DPY19L3: variants seen among roughly 807,000 people sequenced by gnomAD.
The protein encoded by DPY19L3 is dpy-19 like C-mannosyltransferase 3.
Under a neutral mutation model 92.3 loss-of-function variants are expected in DPY19L3, and 51 were observed. The ratio of observed to expected loss-of-function variants is 0.55; its 90% confidence interval spans 0.44 to 0.70. The LOEUF (loss-of-function observed/expected upper bound fraction) is 0.70, where lower values mean the gene tolerates loss of function less well. DPY19L3 is among the 30% of genes least tolerant of loss of function. DPY19L3 has a pLI of 0.00. For synonymous variants in DPY19L3, 309 were observed against 315.2 expected, an observed-to-expected ratio of 0.98 and a Z score of 0.21; for missense variants, 706 against 855.9, an observed-to-expected ratio of 0.82 and a Z score of 2.18.
chr19:32,473,892 C>G lies in DPY19L3; in HGVS notation c.1698-3630C>G, dbSNP rs988303276. 2.6e-5 allele frequency among the ~76,000 whole-genome samples: 4 copies of G among 152,164 alleles called. No homozygotes were observed. In the South Asian group the frequency reaches 6.2e-4, roughly 24 times the overall value. ...GATCTCGGCTCACTGCAACCTTCAC[C>G]TCGTGGGTTCAAGCGATTCTCCTGC... On this transcript the variant is annotated intron_variant, in intron 16 of 18. Transcript: ENST00000392250.
At chr19:32,418,798 A>G (rs1044835823) in intron 3 of DPY19L3, among the ~76,000 whole-genome samples, 2 of 152,192 alleles carry the variant, frequency 1.3e-5, no homozygotes, top group African/African-American at 2.4e-5. Context: ...AGTTGTAATT[A>G]TTCAGAGAGT....
intron 8 of DPY19L3, among the ~76,000 whole-genome samples, chr19:32,452,238 C>A (rs554494072): frequency 1.3e-5 from 2 of 152,336 alleles, no homozygotes; most frequent in Admixed American, 1.3e-4. Context: ...GGTCACATAG[C>A]TGGTTTGCAC....
In DPY19L3 at chr19:32,483,624, A is replaced by G. The variant is rs1345727674; in HGVS notation, c.*1384A>G. The G allele has an allele frequency of 2.0e-5, 3 of 152,340 alleles. No homozygotes were observed. Among genetic ancestry groups the G allele is most frequent in the African/African-American group, 7.2e-5 (3 of 41,460 alleles). 9.4% of individuals were successfully genotyped at this position (152,340 alleles called of 1,614,324 possible). On this transcript the variant is annotated 3_prime_UTR_variant, in exon 19 of 19. Coordinates refer to ENST00000392250, the MANE Select transcript of DPY19L3 (RefSeq NM_001172774.2). ...TTTTATATTCAGTTGCTACTTATAA[A>G]GCAGCATTCAAAAAGTCTTTTACAC...
intron 17 of DPY19L3, chr19:32,479,663 C>G (rs779624902): frequency 5.1e-6 from 2 of 395,026 alleles, no homozygotes; most frequent in African/African-American, 4.2e-5. Flanking sequence ...TTCATGAACC[C>G]CCACATTCAA....
chr19:32,466,815 C>G (rs1206690919), intron 15 of DPY19L3, among the ~76,000 whole-genome samples: 1 of 152,178 alleles, frequency 6.6e-6, no homozygotes, highest in Non-Finnish European at 1.5e-5. Flanking sequence ...TAAAATAGTT[C>G]AGATATTTCA....
At chr19:32,461,793 G>A (rs1320553912) in intron 12 of DPY19L3, among the ~76,000 whole-genome samples, 1 of 152,178 alleles carries the variant, frequency 6.6e-6, no homozygotes, top group South Asian at 2.1e-4. Context: ...TTAACTAGTA[G>A]CCTTTACTGT....
At chr19:32,479,901 G>T (rs980415279) in intron 17 of DPY19L3, among the ~76,000 whole-genome samples, 3 of 152,188 alleles carry the variant, frequency 2.0e-5, no homozygotes, top group Non-Finnish European at 4.4e-5. Flanking sequence ...AGCCAATGCT[G>T]CCCCAGCCTA....
intron 3 of DPY19L3, among the ~76,000 whole-genome samples, chr19:32,424,201 C>T (rs1048706067): frequency 1.3e-5 from 2 of 151,516 alleles, no homozygotes; most frequent in African/African-American, 2.4e-5. Context: ...GCACCTGCAG[C>T]CCCAGTTACT....
chr19:32,463,893 CAT>C lies in DPY19L3; in HGVS notation c.1471_1472del (p.Met491ValfsTer10), dbSNP rs756869242. ...MRMKYLWTSH[M>X]CVFASFGLCS... The stretch of plus-strand genomic sequence containing the variant: ...GAATGAAGTACCTCTGGACGTCACA[CAT>C]GTGTGTGTTCGCATCATTCGGCCTA... On this transcript the variant is annotated frameshift_variant, in exon 14 of 19. Transcript: ENST00000392250. LOFTEE classifies it high-confidence loss of function. 9.2e-5 allele frequency: 149 copies of C among 1,613,582 alleles called. No individual in the cohort carries two copies. Among genetic ancestry groups the C allele is most frequent in the Admixed American group, 2.3e-4 (14 of 59,986 alleles).
At chr19:32,432,632 C>A in intron 3 of DPY19L3, 84 bp from the exon 4 acceptor site, 2 of 1,127,332 alleles carry the variant, frequency 1.8e-6, no homozygotes, top group Non-Finnish European at 2.6e-6. Flanking sequence ...TTTCAAGTTG[C>A]AGTTATGTAT....
rs1364895795 is a variant in DPY19L3, at chr19:32,482,729, A to C, written c.*489A>C. 6.5e-6 allele frequency: 1 copy of C among 152,908 alleles called. No homozygotes were observed. 9.5% of individuals were successfully genotyped at this position (152,908 alleles called of 1,614,324 possible). A position where few individuals can be genotyped will look rare whatever the true frequency, so the allele number is the denominator to read the frequency against. On this transcript the variant is annotated 3_prime_UTR_variant, in exon 19 of 19. Transcript: ENST00000392250. ...ACTTTAGTGTCCTGTTTTACCTTAA[A>C]ATGTTATAATATTTTCCAGTTGTCA...
At position 32,458,507 on chromosome 19, in the gene DPY19L3, C is replaced by T. The variant is rs774657550; in HGVS notation, c.1320C>T (p.Leu440=). 2 of 1,607,146 alleles carry T rather than the reference C, an allele frequency of 1.2e-6. No homozygotes were observed. The highest frequency in any genetic ancestry group is 1.7e-4 in the Middle Eastern group (1 of 6,024). Residue 440 remains leucine, a splice_region_variant and synonymous_variant, in exon 12 of 19, where the codon CTC becomes CTT. Transcript: ENST00000392250. ...IVAFVVAFHN[L]SDSTNQQSVG... ...CATTCGTTGTTGCCTTTCATAATCTCAGGTATGGTATATTTCAGAAATCTA... is the reference window on the plus strand; with the variant it reads ...CATTCGTTGTTGCCTTTCATAATCTTAGGTATGGTATATTTCAGAAATCTA...
chr19:32,408,101 G>T, intron 1 of DPY19L3, 116 bp from the exon 2 acceptor site: 1 of 604,928 alleles, frequency 1.7e-6, no homozygotes, highest in East Asian at 2.8e-5. Flanking sequence ...GAAAAAAAAA[G>T]GGAGGGCATG....
At chr19:32,470,286 A>C (rs964602840) in intron 16 of DPY19L3, among the ~76,000 whole-genome samples, 2 of 152,244 alleles carry the variant, frequency 1.3e-5, no homozygotes, top group African/African-American at 4.8e-5. Context: ...ATTCGTGTAA[A>C]GGAAAGCTAA....
At position 32,463,422 on chromosome 19, in the gene DPY19L3, A is replaced by G; in HGVS notation, c.1379A>G (p.Lys460Arg). 6.2e-7 allele frequency: 1 copy of G among 1,613,918 alleles called. No individual in the cohort carries two copies. The highest frequency in any genetic ancestry group is 8.5e-7 in the Non-Finnish European group (1 of 1,179,840). ...ATGGAAAAAGGCACAGTTGACCTGA[A>G]ACCAGAAACTGCCTACAACTTAATA... ...GKMEKGTVDL[K>R]PETAYNLIHT... Residue 460 changes from lysine to arginine, a missense_variant, in exon 13 of 19, where the codon AAA (lysine) becomes AGA (arginine). Physicochemically the swap from Lys to Arg is conservative, Grantham distance 26. Coordinates refer to ENST00000392250, the MANE Select transcript of DPY19L3 (RefSeq NM_001172774.2).
chr19:32,456,079 C>CTTTTT (rs899726982), intron 10 of DPY19L3, among the ~76,000 whole-genome samples: 12 of 103,388 alleles, frequency 1.2e-4, no homozygotes, highest in South Asian at 3.4e-4. Context: ...TCACTATGTT[C>CTTTTT]TTTTTTTTTT....
intron 8 of DPY19L3, among the ~76,000 whole-genome samples, chr19:32,443,110 G>A (rs907350048): frequency 1.3e-5 from 2 of 152,146 alleles, no homozygotes; most frequent in African/African-American, 2.4e-5. Context: ...ACCCCATGCT[G>A]TCGGTGCAGG....
At chr19:32,468,051 C>T in intron 15 of DPY19L3, 1 of 985,200 alleles carries the variant, frequency 1.0e-6, no homozygotes, top group Non-Finnish European at 1.2e-6. Context: ...GACCAGATTT[C>T]TAGTACAAAA....
At chr19:32,474,753 G>A (rs1970456490) in intron 16 of DPY19L3, among the ~76,000 whole-genome samples, 1 of 152,054 alleles carries the variant, frequency 6.6e-6, no homozygotes, top group African/African-American at 2.4e-5. Flanking sequence ...ACCACGCCTG[G>A]CTAAGTTTTG....
Sources: gnomAD v4.1 joint callset for allele counts (sites outside exome capture counted in the v4.1 genomes callset) on GRCh38, gnomAD v4.1.1 for gene constraint, MANE v1.5 for transcripts, NCBI Gene and HGNC (gene_info 2026-07-23, HGNC 2026-07-21) for gene names.